REM1: variants seen among roughly 807,000 people sequenced by gnomAD.
The protein encoded by REM1 is RRAD and GEM like GTPase 1.
REM1 carries 20 observed loss-of-function variants against 27.0 expected under a neutral mutation model. That is an observed-to-expected ratio of 0.74 (90% CI 0.52 to 1.08). REM1 has a LOEUF of 1.08. Ranked by LOEUF, REM1 falls within the 50% of genes least tolerant of loss-of-function variation. REM1 has a pLI of 0.00. For missense variants in REM1, 405 were observed against 407.0 expected (o/e 1.00, Z 0.04); for synonymous variants, 159 against 167.9 (o/e 0.95, Z 0.41).
Position 31,484,167 on chromosome 20 carries a change from G to T in REM1, c.634G>T (p.Ala212Ser). The T allele has an allele frequency of 6.3e-7, 1 of 1,588,518 alleles. No individual in the cohort carries two copies. Among genetic ancestry groups the T allele is most frequent in the Non-Finnish European group, 8.6e-7 (1 of 1,165,506 alleles). ...GGGCCCCGCCCCCTTAGAGGGCCGC[G>T]CCTGCGCTGTGGTGTTCGACTGTAA... ...CREVSVEEGR[A>S]CAVVFDCKFI... Residue 212 changes from alanine (A) to serine (S), a missense_variant, in exon 5 of 5, where the codon GCC (alanine) becomes TCC (serine). Ala to Ser is a moderately conservative substitution (Grantham distance 99, BLOSUM62 1). Coordinates refer to ENST00000201979, the MANE Select transcript of REM1 (RefSeq NM_014012.6).
chr20:31,478,589 A>ACATG (rs1980608308), intron 3 of REM1, among the ~76,000 whole-genome samples: 1 of 152,200 alleles, frequency 6.6e-6, no homozygotes, highest in African/African-American at 2.4e-5. Flanking sequence ...CATGGGTAAT[A>ACATG]CATGCTCATT....
intron 3 of REM1, among the ~76,000 whole-genome samples, chr20:31,480,033 A>G (rs1304232728): frequency 1.1e-4 from 16 of 152,110 alleles, no homozygotes; most frequent in Non-Finnish European, 2.2e-4. Flanking sequence ...AGGTTGCGGT[A>G]AGCAGAGATC....
At chr20:31,483,542 A>G (rs1286488909) in intron 4 of REM1, among the ~76,000 whole-genome samples, 1 of 152,194 alleles carries the variant, frequency 6.6e-6, no homozygotes, top group Non-Finnish European at 1.5e-5. Context: ...TAAACGTCAT[A>G]TATGGCTTGT....
rs771455413 is a variant in REM1 at position 31,477,894 on chromosome 20, G to A, written c.407G>A (p.Trp136Ter). Residue 136 changes from tryptophan to a stop codon, truncating the protein, a stop_gained, in exon 3 of 5, where the codon TGG becomes TAG. Transcript: ENST00000201979. LOFTEE classifies it high-confidence loss of function. ...ACCACACTGGTGGTCGTGGACACCTGGGAGGCCGAGAAACTGGTATGGCAC... is the reference window on the plus strand; with the variant it reads ...ACCACACTGGTGGTCGTGGACACCTAGGAGGCCGAGAAACTGGTATGGCAC... Reference protein sequence around the residue: ...EDTTLVVVDTWEAEKLDKSWS... With the variant: ...EDTTLVVVDT 2 of 1,611,288 alleles carry A rather than the reference G, an allele frequency of 1.2e-6. No individual in the cohort carries two copies. Among genetic ancestry groups the A allele is most frequent in the Non-Finnish European group, 8.5e-7 (1 of 1,178,408 alleles).
Position 31,476,513 on chromosome 20 carries a change from T to A in REM1, c.68T>A (p.Leu23Gln). ...LHRRASTPLP[L>Q]SPRGHQPGRL... ...CGGCGAGCCAGCACCCCACTGCCCC[T>A]GTCCCCACGGGGCCACCAGCCTGGC... Residue 23 changes from leucine (L) to glutamine (Q), a missense_variant, in exon 2 of 5, where the codon CTG (leucine) becomes CAG (glutamine). Coordinates refer to ENST00000201979, the MANE Select transcript of REM1 (RefSeq NM_014012.6). 6.2e-7 allele frequency: 1 copy of A among 1,613,884 alleles called. No homozygotes were observed. The highest frequency in any genetic ancestry group is 1.3e-5 in the African/African-American group (1 of 75,030).
rs753996380 is a variant in REM1 at position 31,476,540 on chromosome 20, G to A, written c.95G>A (p.Arg32His). ...PLSPRGHQPG[R>H]LSTVPSTQSQ... Reference sequence around the variant, plus strand: ...TCCCCACGGGGCCACCAGCCTGGCCGCCTGAGCACAGTGCCTTCCACTCAA... The same window carrying A: ...TCCCCACGGGGCCACCAGCCTGGCCACCTGAGCACAGTGCCTTCCACTCAA... The change falls in exon 2 of 5, where the codon CGC becomes CAC. Residue 32 changes from arginine (R) to histidine (H), a missense_variant. Arg to His is a conservative substitution (Grantham distance 29). Coordinates refer to ENST00000201979, the MANE Select transcript of REM1 (RefSeq NM_014012.6). 23 of 1,613,998 alleles carry A rather than the reference G, an allele frequency of 1.4e-5. No individual in the cohort carries two copies. The highest frequency in any genetic ancestry group is 8.9e-5 in the East Asian group (4 of 44,884).
chr20:31,484,076 C>G (rs1018342095), intron 4 of REM1, 83 bp from the exon 5 acceptor site: 32 of 1,406,060 alleles, frequency 2.3e-5, no homozygotes, highest in Non-Finnish European at 3.0e-5. Context: ...TGCTTCCAAT[C>G]GAGACTAAAC....
intron 3 of REM1, 35 bp downstream of exon 3, chr20:31,477,945 T>G: frequency 7.3e-7 from 1 of 1,365,662 alleles, no homozygotes; most frequent in Non-Finnish European, 1.0e-6. Context: ...GGGAGAGGGG[T>G]GCTGAGCCTA....
At position 31,476,438 on chromosome 20, in the gene REM1, T is replaced by TACCAAAGATGACACTCA; in HGVS notation, c.-5_12dup. On this transcript the variant is annotated 5_prime_UTR_variant, in exon 2 of 5. The change creates a new upstream start codon in the 5' untranslated region. Transcript: ENST00000201979. ...AAGAAGGAAGAAGCAAACCCCCCCC[T>TACCAAAGATGACACTCA]ACCAAAGATGACACTCAACACCGAG... The TACCAAAGATGACACTCA allele has an allele frequency of 2.0e-6, 3 of 1,536,054 alleles. No individual in the cohort carries two copies. Among genetic ancestry groups the TACCAAAGATGACACTCA allele is most frequent in the Non-Finnish European group, 2.6e-6 (3 of 1,147,158 alleles).
chr20:31,484,498 G>A lies in REM1; in HGVS notation c.*68G>A. ...TTCTGGGCTCCAGGGACGCCACTGCGGGGCAAAGGCGCCGTTACCTGGAGT... is the reference window on the plus strand; with the variant it reads ...TTCTGGGCTCCAGGGACGCCACTGCAGGGCAAAGGCGCCGTTACCTGGAGT... On this transcript the variant is annotated 3_prime_UTR_variant, in exon 5 of 5. Transcript: ENST00000201979. The A allele has an allele frequency of 1.4e-6, 2 of 1,424,156 alleles. No individual in the cohort carries two copies. Among genetic ancestry groups the A allele is most frequent in the Non-Finnish European group, 9.2e-7 (1 of 1,086,756 alleles). 88.2% of individuals were successfully genotyped at this position (1,424,156 alleles called of 1,614,324 possible).
Position 31,476,606 on chromosome 20 carries a change from C to A in REM1, c.161C>A (p.Pro54His). 1 of 1,614,176 alleles carries A rather than the reference C, an allele frequency of 6.2e-7. No homozygotes were observed. Among genetic ancestry groups the A allele is most frequent in the Non-Finnish European group, 8.5e-7 (1 of 1,180,006 alleles). ...CTGGGCCAATCAGCCTCCCTCAACC[C>A]TCCCACCCAGAAACCTTCACCTGCC... ...PRLGQSASLN[P>H]PTQKPSPAPD... The change falls in exon 2 of 5, where the codon CCT becomes CAT. Residue 54 changes from proline to histidine, a missense_variant. Pro to His is a moderately conservative substitution (Grantham distance 77). Transcript: ENST00000201979.
rs771532291 is a variant in REM1 at position 31,484,293 on chromosome 20, G to C, written c.760G>C (p.Glu254Gln). The C allele has an allele frequency of 6.3e-7, 1 of 1,588,508 alleles. No homozygotes were observed. The highest frequency in any genetic ancestry group is 1.1e-5 in the South Asian group (1 of 87,766). Reference sequence around the variant, plus strand: ...GCGCCGCCGGGACAGTGCGGCCAAGGAACCCCCAGCACCCCGACGGCCGGC... The same window carrying C: ...GCGCCGCCGGGACAGTGCGGCCAAGCAACCCCCAGCACCCCGACGGCCGGC... ...RLRRRDSAAK[E>Q]PPAPRRPASL... The change falls in exon 5 of 5, where the codon GAA becomes CAA. Residue 254 changes from glutamate (E) to glutamine (Q), a missense_variant. Glu to Gln is a conservative substitution (Grantham distance 29). Transcript: ENST00000201979.
Position 31,482,473 on chromosome 20 carries a change from G to A in REM1, c.610G>A (p.Glu204Lys). The A allele has an allele frequency of 6.2e-7, 1 of 1,614,146 alleles. No individual in the cohort carries two copies. Among genetic ancestry groups the A allele is most frequent in the Non-Finnish European group, 8.5e-7 (1 of 1,180,024 alleles). ...CAAGGCAGACTTGGCCCGCTGCCGA[G>A]AAGTCTCTGTGGAAGGTGAGCCCTC... Reference protein sequence around the residue: ...GNKADLARCREVSVEEGRACA... With the variant: ...GNKADLARCRKVSVEEGRACA... Residue 204 changes from glutamate to lysine, a missense_variant, in exon 4 of 5, where the codon GAA (glutamate) becomes AAA (lysine). By Grantham distance (56) the Glu-to-Lys change is moderately conservative. Transcript: ENST00000201979.
At chr20:31,478,522 G>A (rs1409957025) in intron 3 of REM1, among the ~76,000 whole-genome samples, 2 of 152,170 alleles carry the variant, frequency 1.3e-5, no homozygotes, top group East Asian at 3.8e-4. Flanking sequence ...ACAGCAGTAG[G>A]CAGGAATATG....
intron 3 of REM1, among the ~76,000 whole-genome samples, chr20:31,480,676 A>C (rs962127549): frequency 6.6e-6 from 1 of 152,126 alleles, no homozygotes; most frequent in Non-Finnish European, 1.5e-5. Context: ...ACAAATCCAT[A>C]CACTAACTGG....
At chr20:31,482,639 C>T (rs1980777047) in intron 4 of REM1, 151 bp downstream of exon 4, 3 of 732,664 alleles carry the variant, frequency 4.1e-6, no homozygotes, top group Admixed American at 2.3e-5. Context: ...CCATTCTTGC[C>T]TCCCACTCAT....
Position 31,483,431 on chromosome 20 carries a change from G to T in REM1, c.626-728G>T, listed in dbSNP as rs147249094. ...TTGAGAACTGAAAAGAACCATTATT[G>T]GCTCCAAAATACAGTGAAAAAAATT... is the stretch of plus-strand genomic sequence containing the variant. On this transcript the variant is annotated intron_variant, in intron 4 of 4. Coordinates refer to ENST00000201979, the MANE Select transcript of REM1 (RefSeq NM_014012.6). Among the ~76,000 whole-genome samples, 1,063 of 152,202 alleles carry T rather than the reference G, an allele frequency of 7.0e-3. 16 individuals carry two copies. The highest frequency in any genetic ancestry group is 0.024 in the African/African-American group (1,000 of 41,510).
At chr20:31,482,187 C>A in intron 3 of REM1, 100 bp from the exon 4 acceptor site, 2 of 1,077,258 alleles carry the variant, frequency 1.9e-6, no homozygotes, top group Non-Finnish European at 2.8e-6. Flanking sequence ...AAACTATAAA[C>A]CTCAAGCTGC....
rs1980861283 is a variant in REM1 at position 31,484,576 on chromosome 20, G to C, written c.*146G>C. The stretch of plus-strand genomic sequence containing the variant: ...GCCCTGATGGCCTGAGCATCCCCCA[G>C]ATCCAAGCCTGGGGGATCCCGGGAA... On this transcript the variant is annotated 3_prime_UTR_variant, in exon 5 of 5. Coordinates refer to ENST00000201979, the MANE Select transcript of REM1 (RefSeq NM_014012.6). 1 of 1,019,812 alleles carries C rather than the reference G, an allele frequency of 9.8e-7. No individual in the cohort carries two copies. Among genetic ancestry groups the C allele is most frequent in the African/African-American group, 1.7e-5 (1 of 58,512 alleles). 63.2% of individuals were successfully genotyped at this position (1,019,812 alleles called of 1,614,324 possible).
Sources: allele counts gnomAD v4.1 joint callset (sites outside exome capture counted in the v4.1 genomes callset), GRCh38; gene constraint gnomAD v4.1.1; transcripts MANE v1.5; gene names NCBI Gene and HGNC (gene_info 2026-07-23, HGNC 2026-07-21).